Variants in FAAH2 observed in about 807,000 individuals in gnomAD.
The protein encoded by FAAH2 is fatty acid amide hydrolase 2.
FAAH2 carries 60 observed loss-of-function variants against 36.9 expected under a neutral mutation model. The ratio of observed to expected loss-of-function variants is 1.63; its 90% CI spans 1.32 to 2.02. The LOEUF is 2.02. FAAH2 is among the 30% of genes most tolerant of loss of function. The probability of loss-of-function intolerance (pLI) is 0.00; values close to 1 mark genes in which losing one functional copy is unlikely to be tolerated. For synonymous variants in FAAH2, 214 were observed against 143.8 expected (o/e 1.49, Z -3.49); for missense variants, 689 against 397.5 (o/e 1.73, Z -6.23).
At chrX:57,382,085 TA>T (rs2054867147) in intron 7 of FAAH2, among the ~76,000 whole-genome samples, 1 of 111,093 alleles carries the variant, frequency 9.0e-6, no homozygotes, top group African/African-American at 3.3e-5. Flanking sequence ...ACTGGGTACA[TA>T]ACGAAATGAA....
intron 7 of FAAH2, among the ~76,000 whole-genome samples, chrX:57,425,497 C>T (rs1041886816): frequency 3.6e-5 from 4 of 111,513 alleles, no homozygotes; most frequent in Non-Finnish European, 3.8e-5. Context: ...AAGGAAAGCC[C>T]ATCACATAAA....
chrX:57,379,733 A>G (rs1002366859), intron 6 of FAAH2, among the ~76,000 whole-genome samples: 5 of 109,943 alleles, frequency 4.5e-5, no homozygotes, highest in Non-Finnish European at 7.6e-5. Flanking sequence ...TTAACTCTAA[A>G]TTCTCACATT....
intron 10 of FAAH2, among the ~76,000 whole-genome samples, chrX:57,462,338 C>G (rs12011145): frequency 0.36 from 39,826 of 109,547 alleles, 6,219 homozygotes; most frequent in Middle Eastern, 0.61. Flanking sequence ...TTCCATAACC[C>G]GGCAGAGACA....
chrX:57,428,709 C>T (rs778869162), intron 7 of FAAH2, among the ~76,000 whole-genome samples: 20 of 111,643 alleles, frequency 1.8e-4, no homozygotes, highest in Non-Finnish European at 3.2e-4. Context: ...AAATATGGAC[C>T]TGTATCTCTC....
intron 3 of FAAH2, among the ~76,000 whole-genome samples, chrX:57,328,169 C>A (rs771877334): frequency 9.0e-6 from 1 of 111,722 alleles, no homozygotes; most frequent in Admixed American, 9.5e-5. Flanking sequence ...TGGTGAACAG[C>A]AAATGTTGCT....
intron 5 of FAAH2, among the ~76,000 whole-genome samples, chrX:57,354,301 A>G (rs1452943511): frequency 9.0e-6 from 1 of 111,072 alleles, no homozygotes; most frequent in Non-Finnish European, 1.9e-5. Flanking sequence ...AACTGACATC[A>G]TTATATTTAG....
intron 7 of FAAH2, among the ~76,000 whole-genome samples, chrX:57,427,466 A>C (rs988064343): frequency 2.3e-4 from 26 of 111,884 alleles, no homozygotes; most frequent in African/African-American, 8.1e-4. Flanking sequence ...AGAAATCTAC[A>C]AACCAATATC....
intron 10 of FAAH2, among the ~76,000 whole-genome samples, chrX:57,453,634 C>T (rs189538088): frequency 2.0e-4 from 22 of 111,578 alleles, no homozygotes; most frequent in African/African-American, 6.8e-4. Flanking sequence ...CACCCAAACC[C>T]GCCACTCATA....
At chrX:57,279,614 C>G in the FAAH2 span, among the ~76,000 whole-genome samples, 2 of 111,266 alleles carry the variant, frequency 1.8e-5, no homozygotes, top group Non-Finnish European at 3.8e-5. Flanking sequence ...TAAAAAAGAA[C>G]CACAACAAAA....
chrX:57,318,709 A>G (rs1000699627), intron 3 of FAAH2, among the ~76,000 whole-genome samples: 3 of 111,540 alleles, frequency 2.7e-5, no homozygotes, highest in Non-Finnish European at 5.6e-5. Flanking sequence ...CCTGGCAGAG[A>G]CACAACAAAA....
intron 7 of FAAH2, among the ~76,000 whole-genome samples, chrX:57,401,129 A>G (rs1174023338): frequency 1.8e-5 from 2 of 111,218 alleles, no homozygotes; most frequent in South Asian, 3.8e-4. Context: ...TCTCAAAAAT[A>G]AATAAATAAA....
chrX:57,394,458 G>A, intron 7 of FAAH2: 1 of 1,200,560 alleles, frequency 8.3e-7, no homozygotes, highest in East Asian at 3.0e-5. Context: ...TTACCAATGG[G>A]CTTCGGTTTA....
intron 5 of FAAH2, among the ~76,000 whole-genome samples, chrX:57,368,310 C>T (rs1005950940): frequency 9.3e-6 from 1 of 107,500 alleles, no homozygotes; most frequent in African/African-American, 3.4e-5. Context: ...CCTGCATGCA[C>T]CCTCAGTGGA....
chrX:57,417,726 G>A (rs1239742042), intron 7 of FAAH2, among the ~76,000 whole-genome samples: 1 of 111,946 alleles, frequency 8.9e-6, no homozygotes. Flanking sequence ...CACTTGAGGA[G>A]GCAGTCTGTC....
chrX:57,249,612 C>A, the FAAH2 span, among the ~76,000 whole-genome samples: 2 of 111,894 alleles, frequency 1.8e-5, no homozygotes, highest in African/African-American at 6.5e-5. Context: ...TGGTGAACTA[C>A]CCTGACCTTC....
At chrX:57,312,232 G>A (rs1179089827) in intron 3 of FAAH2, among the ~76,000 whole-genome samples, 3 of 112,450 alleles carry the variant, frequency 2.7e-5, no homozygotes, top group African/African-American at 6.5e-5. Context: ...AAATACAGAA[G>A]AGCTGCACAG....
chrX:57,478,370 T>C (rs2057311740), intron 10 of FAAH2, among the ~76,000 whole-genome samples: 1 of 111,538 alleles, frequency 9.0e-6, no homozygotes, highest in South Asian at 3.7e-4. Flanking sequence ...TTTGAGTTCA[T>C]TGTAGATTCT....
chrX:57,175,896 A>C, the FAAH2 span, among the ~76,000 whole-genome samples: 1 of 111,535 alleles, frequency 9.0e-6, no homozygotes, highest in Non-Finnish European at 1.9e-5. Context: ...TAAAGATAGG[A>C]CCCCAATTGG....
chrX:57,277,201 G>A, the FAAH2 span, among the ~76,000 whole-genome samples: 2 of 111,652 alleles, frequency 1.8e-5, no homozygotes, highest in East Asian at 2.8e-4. Flanking sequence ...ACCGATTCCA[G>A]CAGCACATCA....
Sources: gnomAD v4.1 joint callset for allele counts (sites outside exome capture counted in the v4.1 genomes callset) on GRCh38, gnomAD v4.1.1 for gene constraint, MANE v1.5 for transcripts, NCBI Gene and HGNC (gene_info 2026-07-23, HGNC 2026-07-21) for gene names.